MAB21L4: variants seen among roughly 807,000 people sequenced by gnomAD.
MAB21L4 encodes the protein mab-21 like 4.
In MAB21L4, 25 loss-of-function variants were observed where a neutral mutation model predicts 32.4. The observed-to-expected ratio is 0.77, with a 90% CI of 0.56 to 1.08. MAB21L4 has a LOEUF of 1.08. Ranked by LOEUF, MAB21L4 falls within the 50% of genes least tolerant of loss-of-function variation. The pLI is 0.00. For missense variants in MAB21L4, 638 were observed against 611.0 expected, an observed-to-expected ratio of 1.04 and a Z score of -0.47; for synonymous variants, 280 against 276.8, an observed-to-expected ratio of 1.01 and a Z score of -0.11.
rs764432925 is a variant in MAB21L4, at chr2:240,891,645, C to T, written c.633G>A (p.Ala211=). The T allele has an allele frequency of 1.7e-5, 28 of 1,608,806 alleles. 1 individual carries two copies. In the East Asian group the frequency reaches 3.6e-4, roughly 20 times the overall value. ...VVPVVRRKLG[A]PALEGVQQMP... is the part of the protein sequence containing the mutation. ...TCTGCTGCACCCCCTCCAGGGCAGG[C>T]GCCCCAAGCTTCCTTCTCACCACGG... Residue 211 remains alanine (A), a synonymous_variant, in exon 2 of 5, where the codon GCG becomes GCA. Coordinates refer to ENST00000388934, the MANE Select transcript of MAB21L4 (RefSeq NM_001085437.3).
rs372541574 is a variant in MAB21L4 at position 240,891,701 on chromosome 2, C to T, written c.577G>A (p.Gly193Ser). 3.2e-5 allele frequency: 51 copies of T among 1,610,036 alleles called. No individual in the cohort carries two copies. The African/African-American group carries it at 4.3e-4, about 13-fold the overall frequency. ...QLHLSLLVSS[G>S]WRTISFHVVP... is the part of the protein sequence containing the mutation. ...ACGTGGAAGCTGATTGTTCTCCAGC[C>T]GCTGGACACCAGCAAGGACAGGTGG... Residue 193 changes from glycine to serine, a missense_variant, in exon 2 of 5, where the codon GGC (glycine) becomes AGC (serine). By Grantham distance (56) the Gly-to-Ser change is moderately conservative. Coordinates refer to ENST00000388934, the MANE Select transcript of MAB21L4 (RefSeq NM_001085437.3).
intron 1 of MAB21L4, among the ~76,000 whole-genome samples, chr2:240,894,079 G>A (rs1193434215): frequency 2.0e-5 from 3 of 151,820 alleles, no homozygotes; most frequent in Non-Finnish European, 4.4e-5. Context: ...CTCCCAGCAT[G>A]CAGACTGGAG....
At chr2:240,892,890 C>T (rs1367734852) in intron 1 of MAB21L4, among the ~76,000 whole-genome samples, 1 of 152,192 alleles carries the variant, frequency 6.6e-6, no homozygotes, top group Admixed American at 6.5e-5. Flanking sequence ...GGGGCTGGAG[C>T]TGGGGCTGGG....
At position 240,890,038 on chromosome 2, in the gene MAB21L4, G is replaced by T; in HGVS notation, c.861C>A (p.Gly287=). 1 of 1,613,054 alleles carries T rather than the reference G, an allele frequency of 6.2e-7. No individual in the cohort carries two copies. Among genetic ancestry groups the T allele is most frequent in the Non-Finnish European group, 8.5e-7 (1 of 1,179,364 alleles). Residue 287 remains glycine, a synonymous_variant, in exon 3 of 5, where the codon GGC becomes GGA. Transcript: ENST00000388934. ...RVNHESWRDS[G]QTDGLTFGHL... is the part of the protein sequence containing the mutation. ...GGCCAAAGGTCAGGCCGTCAGTCTGGCCACTGTCACGCCAGCTCTCGTGGT... is the reference window on the plus strand; with the variant it reads ...GGCCAAAGGTCAGGCCGTCAGTCTGTCCACTGTCACGCCAGCTCTCGTGGT...
At chr2:240,890,891 G>A (rs2059140681) in intron 2 of MAB21L4, among the ~76,000 whole-genome samples, 1 of 152,228 alleles carries the variant, frequency 6.6e-6, no homozygotes, top group Admixed American at 6.5e-5. Context: ...GCAATGCAGG[G>A]CAGGTGACTG....
In MAB21L4 at chr2:240,895,692, C is replaced by T. The variant is rs371994263; in HGVS notation, c.306G>A (p.Pro102=). The change falls in exon 1 of 5, where the codon CCG becomes CCA. Residue 102 remains proline, a synonymous_variant. Coordinates refer to ENST00000388934, the MANE Select transcript of MAB21L4 (RefSeq NM_001085437.3). The part of the protein sequence containing the change: ...LLIEEPEATQ[P]EDGLELCHLG... ...GGTGGCATAATTCAAGGCCATCCTCCGGCTGGGTGGCCTCTGGTTCCTCAA... is the reference window on the plus strand; with the variant it reads ...GGTGGCATAATTCAAGGCCATCCTCTGGCTGGGTGGCCTCTGGTTCCTCAA... 2.6e-5 allele frequency: 42 copies of T among 1,612,816 alleles called. No individual in the cohort carries two copies. The highest frequency in any genetic ancestry group is 8.3e-5 in the Admixed American group (5 of 60,014).
Position 240,886,938 on chromosome 2 carries a change from G to A in MAB21L4, c.*132C>T, listed in dbSNP as rs57574477. 1.5e-6 allele frequency: 1 copy of A among 676,194 alleles called. No individual in the cohort carries two copies. The highest frequency in any genetic ancestry group is 2.5e-6 in the Non-Finnish European group (1 of 397,514). The allele number at this position is 676,194 out of a possible 1,614,324, so 41.9% of individuals were successfully genotyped here. ...AAAGACTCTCAGAGGCCACTGCTGG[G>A]GACAAAATCCCTCCACTACCCCCTC... On this transcript the variant is annotated 3_prime_UTR_variant, in exon 5 of 5. Coordinates refer to ENST00000388934, the MANE Select transcript of MAB21L4 (RefSeq NM_001085437.3).
chr2:240,894,619 A>T (rs929789781), intron 1 of MAB21L4, among the ~76,000 whole-genome samples: 10 of 152,240 alleles, frequency 6.6e-5, no homozygotes, highest in Non-Finnish European at 1.3e-4. Flanking sequence ...AGCCTGGCCA[A>T]CATGGTGAAA....
Position 240,888,291 on chromosome 2 carries a change from C to T in MAB21L4, c.1251+1G>A, listed in dbSNP as rs780791162. On this transcript the variant is annotated splice_donor_variant, in intron 4 of 4. Coordinates refer to ENST00000388934, the MANE Select transcript of MAB21L4 (RefSeq NM_001085437.3). LOFTEE classifies it high-confidence loss of function. ...CCAAGGCCCCCGCAGCCAGCACCCA[C>T]CTTGTCCAGCAGGACGTCGAAGTAG... 1 of 1,551,430 alleles carries T rather than the reference C, an allele frequency of 6.4e-7. No individual in the cohort carries two copies. Among genetic ancestry groups the T allele is most frequent in the Non-Finnish European group, 8.7e-7 (1 of 1,153,918 alleles).
chr2:240,893,583 G>A (rs1010429209), intron 1 of MAB21L4, among the ~76,000 whole-genome samples: 1 of 152,232 alleles, frequency 6.6e-6, no homozygotes, highest in East Asian at 1.9e-4. Context: ...CGGTTCCCAG[G>A]GTGGGGGCAG....
At chr2:240,896,577 A>G (rs527256411), upstream of MAB21L4, among the ~76,000 whole-genome samples, 25 of 152,108 alleles carry the variant, frequency 1.6e-4, no homozygotes, top group African/African-American at 5.8e-4. Flanking sequence ...GCTGTGGGGG[A>G]GCCCCCGACT....
At chr2:240,893,680 A>G (rs886781923) in intron 1 of MAB21L4, among the ~76,000 whole-genome samples, 4 of 152,108 alleles carry the variant, frequency 2.6e-5, no homozygotes, top group Non-Finnish European at 4.4e-5. Flanking sequence ...TGCCCAGCCC[A>G]GCGCAGCTTC....
At chr2:240,895,405 C>G in intron 1 of MAB21L4, 79 bp downstream of exon 1, 14 of 1,344,680 alleles carry the variant, frequency 1.0e-5, no homozygotes. Flanking sequence ...CATGTGCACT[C>G]ACACACTTGC....
chr2:240,888,992 T>A (rs913970349), intron 3 of MAB21L4, among the ~76,000 whole-genome samples: 2 of 148,216 alleles, frequency 1.3e-5, no homozygotes, highest in African/African-American at 4.9e-5. Context: ...CCTCCGCCCC[T>A]TTGAGCTCCT....
intron 4 of MAB21L4, among the ~76,000 whole-genome samples, chr2:240,888,045 A>T (rs1575719483): frequency 6.6e-6 from 1 of 152,114 alleles, no homozygotes; most frequent in African/African-American, 2.4e-5. Flanking sequence ...GCAGGGTCAG[A>T]CCCACTGCCC....
chr2:240,893,457 CCACACA>C (rs2059166759), intron 1 of MAB21L4, among the ~76,000 whole-genome samples: 1 of 152,232 alleles, frequency 6.6e-6, no homozygotes, highest in Admixed American at 6.5e-5. Context: ...CCTCTAGTGG[CCACACA>C]CCTCATCTGC....
chr2:240,895,785 G>A lies in MAB21L4; in HGVS notation c.213C>T (p.Ala71=). Reference sequence around the variant, plus strand: ...CCATTGGGTCCTCAGAGGAGCGCAGGGCGAACTGGAAGGCCTCCAGGCCAC... The same window carrying A: ...CCATTGGGTCCTCAGAGGAGCGCAGAGCGAACTGGAAGGCCTCCAGGCCAC... ...YSRGLEAFQF[A]LRSSEDPMDM... Residue 71 remains alanine (A), a synonymous_variant, in exon 1 of 5, where the codon GCC becomes GCT. Transcript: ENST00000388934. 2 of 1,607,764 alleles carry A rather than the reference G, an allele frequency of 1.2e-6. No homozygotes were observed. The highest frequency in any genetic ancestry group is 1.7e-6 in the Non-Finnish European group (2 of 1,176,266).
rs2059098593 is a variant in MAB21L4, at chr2:240,886,739, T to C, written c.*331A>G. 6.7e-6 allele frequency: 2 copies of C among 299,936 alleles called. No individual in the cohort carries two copies. The highest frequency in any genetic ancestry group is 2.1e-5 in the African/African-American group (1 of 46,566). The allele number at this position is 299,936 out of a possible 1,614,324, so 18.6% of individuals were successfully genotyped here. On this transcript the variant is annotated 3_prime_UTR_variant, in exon 5 of 5. Coordinates refer to ENST00000388934, the MANE Select transcript of MAB21L4 (RefSeq NM_001085437.3). ...AGCATTTCGTCACCAAGGAATGGCA[T>C]ACAGTGCAGGCAGGGCCAAGTCCTC... is the stretch of plus-strand genomic sequence containing the variant.
chr2:240,888,054 C>A (rs998120887), intron 4 of MAB21L4, among the ~76,000 whole-genome samples: 2 of 152,188 alleles, frequency 1.3e-5, no homozygotes, highest in African/African-American at 2.4e-5. Context: ...GACCCACTGC[C>A]CTGGTTCCAG....
Sources: allele counts gnomAD v4.1 joint callset (sites outside exome capture counted in the v4.1 genomes callset), GRCh38; gene constraint gnomAD v4.1.1; transcripts MANE v1.5; gene names NCBI Gene and HGNC (gene_info 2026-07-23, HGNC 2026-07-21).